Variants in CDH23 observed in about 807,000 individuals in gnomAD.
The protein encoded by CDH23 is cadherin related 23.
In CDH23, 189 loss-of-function variants were observed where a neutral mutation model predicts 317.1. That is an observed-to-expected ratio of 0.60 (90% CI 0.53 to 0.67). The LOEUF (loss-of-function observed/expected upper bound fraction) is 0.67. Ranked by LOEUF, CDH23 falls within the 30% of genes least tolerant of loss-of-function variation. CDH23 has a pLI of 0.00. For missense variants in CDH23, 4,401 were observed against 4,592.4 expected (o/e 0.96, Z 1.20); for synonymous variants, 1,839 against 1,876.8 (o/e 0.98, Z 0.52).
intron 1 of CDH23, among the ~76,000 whole-genome samples, chr10:71,407,340 C>G (rs1472717559): frequency 6.6e-6 from 1 of 152,182 alleles, no homozygotes; most frequent in African/African-American, 2.4e-5. Context: ...CTGACTTCCC[C>G]TATAATTGAT....
At chr10:71,519,141 C>T (rs1457798265) in intron 6 of CDH23, among the ~76,000 whole-genome samples, 3 of 152,168 alleles carry the variant, frequency 2.0e-5, no homozygotes, top group East Asian at 1.9e-4. Context: ...ATTGCGGGAC[C>T]CTCTGCCATG....
At chr10:71,426,341 GGGGACAGGCCC>G (rs1849077695) in intron 1 of CDH23, among the ~76,000 whole-genome samples, 1 of 152,218 alleles carries the variant, frequency 6.6e-6, no homozygotes, top group South Asian at 2.1e-4. Context: ...TGAGAGAATG[GGGGACAGGCCC>G]AGGACCTGGG....
chr10:71,687,158 G>A (rs1020744137), intron 18 of CDH23, among the ~76,000 whole-genome samples: 1 of 152,218 alleles, frequency 6.6e-6, no homozygotes, highest in East Asian at 1.9e-4. Flanking sequence ...CAGAGTTTGG[G>A]CTCTGGGAAC....
In CDH23 at chr10:71,751,926, C is replaced by G; in HGVS notation, c.4845+10005C>G. The G allele has an allele frequency of 1.0e-5, 15 of 1,480,294 alleles. No homozygotes were observed. The highest frequency in any genetic ancestry group is 1.3e-5 in the Non-Finnish European group (14 of 1,091,576). The allele number at this position is 1,480,294 out of a possible 1,614,324, so 91.7% of individuals were successfully genotyped here. A position where few individuals can be genotyped will look rare whatever the true frequency, so the allele number is the denominator to read the frequency against. ...GGAGCGTGAACTCTGCCCTCCCTGC[C>G]CCCAGTTTTTCTCTCCTCCCTTTCT... On this transcript the variant is annotated intron_variant, in intron 38 of 69. Transcript: ENST00000224721. The surrounding 1 kb of genome is among the most constrained non-coding windows in gnomAD (Gnocchi z 4.9).
At chr10:71,581,900 C>A (rs1014376411) in intron 9 of CDH23, among the ~76,000 whole-genome samples, 1 of 152,180 alleles carries the variant, frequency 6.6e-6, no homozygotes, top group Non-Finnish European at 1.5e-5. Context: ...CTGCACTCAC[C>A]CCCCCAACAG....
At chr10:71,625,059 A>G (rs1861648855) in intron 11 of CDH23, among the ~76,000 whole-genome samples, 1 of 152,022 alleles carries the variant, frequency 6.6e-6, no homozygotes. Flanking sequence ...ATATGGGGAA[A>G]ACGGCTCTGA....
chr10:71,497,386 C>T (rs1726640798), intron 3 of CDH23, among the ~76,000 whole-genome samples: 1 of 152,146 alleles, frequency 6.6e-6, no homozygotes. Flanking sequence ...AGCCCTGAGA[C>T]AAGACTTCAA....
At chr10:71,466,624 A>AGTGTATGTGCGAGTGTATCTTTGCTTGT (rs1424482783) in intron 3 of CDH23, among the ~76,000 whole-genome samples, 50 of 152,032 alleles carry the variant, frequency 3.3e-4, no homozygotes, top group Non-Finnish European at 6.0e-4. Flanking sequence ...CCCTTCTCAC[A>AGTGTATGTGCGAGTGTATCTTTGCTTGT]GTGTATGTGC....
intron 28 of CDH23, chr10:71,716,186 G>A: frequency 6.4e-6 from 10 of 1,551,206 alleles, no homozygotes; most frequent in Non-Finnish European, 7.8e-6. Flanking sequence ...CAGCAGACAG[G>A]TGGCCAGCAG....
At chr10:71,485,117 C>T (rs997551417) in intron 3 of CDH23, among the ~76,000 whole-genome samples, 4 of 151,358 alleles carry the variant, frequency 2.6e-5, no homozygotes, top group African/African-American at 9.7e-5. Context: ...ACCTCCGCCT[C>T]CCAGGTTCAA....
intron 3 of CDH23, among the ~76,000 whole-genome samples, chr10:71,506,714 G>C (rs1437746160): frequency 6.6e-6 from 1 of 152,124 alleles, no homozygotes; most frequent in African/African-American, 2.4e-5. Flanking sequence ...GCTGGGCGGA[G>C]GAGTATGTGC....
At chr10:71,744,558 C>CAGATT (rs1250048692) in intron 38 of CDH23, among the ~76,000 whole-genome samples, 3 of 152,234 alleles carry the variant, frequency 2.0e-5, no homozygotes, top group Non-Finnish European at 4.4e-5. Context: ...GCCAAACCCT[C>CAGATT]TGCAGGGACC....
At chr10:71,714,258 A>T (rs1294425904) in intron 28 of CDH23, 1 of 152,034 alleles carries the variant, frequency 6.6e-6, no homozygotes, top group Non-Finnish European at 1.5e-5. Flanking sequence ...GCTCTGTGTT[A>T]TGCCAGCTTC....
intron 3 of CDH23, among the ~76,000 whole-genome samples, chr10:71,506,977 C>T (rs1291136562): frequency 6.6e-6 from 1 of 152,174 alleles, no homozygotes; most frequent in Non-Finnish European, 1.5e-5. Context: ...CCCAGCGCCC[C>T]CCTTCTTGGG....
chr10:71,521,233 A>T (rs1396852151), intron 6 of CDH23, among the ~76,000 whole-genome samples: 1 of 151,646 alleles, frequency 6.6e-6, no homozygotes, highest in African/African-American at 2.4e-5. Flanking sequence ...GGCATGGGGC[A>T]CTGCCAGCCC....
intron 3 of CDH23, among the ~76,000 whole-genome samples, chr10:71,509,020 G>A (rs982226589): frequency 6.6e-6 from 1 of 152,184 alleles, no homozygotes; most frequent in African/African-American, 2.4e-5. Flanking sequence ...ATGATGCCCT[G>A]CACTTCTTAG....
intron 49 of CDH23, 42 bp downstream of exon 49, chr10:71,797,262 C>T (rs1564798747): frequency 7.1e-7 from 1 of 1,402,364 alleles, no homozygotes. Flanking sequence ...CACTCAGAGC[C>T]AATCAGGGCA....
At chr10:71,545,440 A>G (rs1715069026) in intron 6 of CDH23, among the ~76,000 whole-genome samples, 1 of 152,202 alleles carries the variant, frequency 6.6e-6, no homozygotes, top group Non-Finnish European at 1.5e-5. Flanking sequence ...TGTCCCCTGC[A>G]GGGGCTGATT....
rs551901175 is a variant in CDH23, at chr10:71,452,951, A to C, written c.145+6556A>C. Among the ~76,000 whole-genome samples the C allele has an allele frequency of 2.0e-3, 297 of 152,240 alleles. 7 individuals carry two copies. In the South Asian group the frequency reaches 0.022, roughly 11 times the overall value. ...GTACCAAGCATGGTGCCTGGCACAA[A>C]GGCGGCCTCAGCAAGTGCTTGGTGG... On this transcript the variant is annotated intron_variant, in intron 3 of 69. Coordinates refer to ENST00000224721, the MANE Select transcript of CDH23 (RefSeq NM_022124.6).
Sources: allele counts gnomAD v4.1 joint callset (sites outside exome capture counted in the v4.1 genomes callset), GRCh38; gene constraint gnomAD v4.1.1; non-coding constraint Gnocchi (gnomAD v3.1); transcripts MANE v1.5; gene names NCBI Gene and HGNC (gene_info 2026-07-23, HGNC 2026-07-21).